ZFAND3: variants seen among roughly 807,000 people sequenced by gnomAD.
ZFAND3 encodes the protein zinc finger AN1-type containing 3.
ZFAND3 carries 10 observed loss-of-function variants against 29.6 expected under a neutral mutation model. That is an observed-to-expected ratio of 0.34 (90% confidence interval 0.21 to 0.57). The LOEUF is 0.57. ZFAND3 is among the 20% of genes least tolerant of loss of function. ZFAND3 has a pLI of 0.86. For synonymous variants in ZFAND3, 128 were observed against 112.6 expected (o/e 1.14, Z -0.87); for missense variants, 230 against 304.5 (o/e 0.76, Z 1.82).
chr6:37,891,039 C>G (rs1381735374), intron 1 of ZFAND3, among the ~76,000 whole-genome samples: 1 of 152,232 alleles, frequency 6.6e-6, no homozygotes, highest in Non-Finnish European at 1.5e-5. Context: ...CATCACCACA[C>G]ACACACAACA....
intron 3 of ZFAND3, among the ~76,000 whole-genome samples, chr6:38,072,935 C>T (rs1343739583): frequency 6.6e-6 from 1 of 152,208 alleles, no homozygotes; most frequent in African/African-American, 2.4e-5. Flanking sequence ...AATCCCTTCA[C>T]TACACAATTA....
chr6:37,943,766 C>G (rs1761852360), intron 2 of ZFAND3, among the ~76,000 whole-genome samples: 1 of 152,040 alleles, frequency 6.6e-6, no homozygotes, highest in African/African-American at 2.4e-5. Context: ...ATTTTAGAGC[C>G]CTTTTCTTAC....
At chr6:37,957,424 A>G (rs1361828143) in intron 2 of ZFAND3, among the ~76,000 whole-genome samples, 2 of 151,950 alleles carry the variant, frequency 1.3e-5, no homozygotes, top group African/African-American at 4.8e-5. Context: ...GGGGATGGTG[A>G]TAACCTGCTT....
chr6:37,881,165 G>A (rs1031995255), intron 1 of ZFAND3, among the ~76,000 whole-genome samples: 6 of 152,012 alleles, frequency 3.9e-5, no homozygotes, highest in Non-Finnish European at 7.4e-5. Flanking sequence ...TCCACCTCCC[G>A]GGTTCAAGAG....
chr6:37,954,106 C>A (rs1762045612), intron 2 of ZFAND3, among the ~76,000 whole-genome samples: 1 of 152,014 alleles, frequency 6.6e-6, no homozygotes, highest in African/African-American at 2.4e-5. Flanking sequence ...TTTTGTTCCT[C>A]CATATTTAAC....
intron 1 of ZFAND3, among the ~76,000 whole-genome samples, chr6:37,885,850 CT>C (rs1764979809): frequency 1.3e-5 from 2 of 152,098 alleles, no homozygotes; most frequent in Admixed American, 6.5e-5. Context: ...TCAAGTGATC[CT>C]CCTGCCTCAG....
At chr6:38,042,268 G>A (rs1451783800) in intron 2 of ZFAND3, among the ~76,000 whole-genome samples, 1 of 150,912 alleles carries the variant, frequency 6.6e-6, no homozygotes, top group Non-Finnish European at 1.5e-5. Context: ...TTTTGAGGAG[G>A]AAAATAAAAG....
At chr6:38,060,257 C>T (rs893164262) in intron 2 of ZFAND3, among the ~76,000 whole-genome samples, 3 of 151,990 alleles carry the variant, frequency 2.0e-5, no homozygotes, top group African/African-American at 7.3e-5. Context: ...TTTGGAGAAG[C>T]CTCTTTTACT....
At chr6:37,932,841 G>A (rs1561938655) in intron 2 of ZFAND3, among the ~76,000 whole-genome samples, 1 of 152,042 alleles carries the variant, frequency 6.6e-6, no homozygotes, top group Non-Finnish European at 1.5e-5. Flanking sequence ...AAAATATTAG[G>A]ACATTTTCAA....
At chr6:37,949,355 T>C (rs1396054594) in intron 2 of ZFAND3, among the ~76,000 whole-genome samples, 2 of 152,148 alleles carry the variant, frequency 1.3e-5, no homozygotes, top group Non-Finnish European at 2.9e-5. Flanking sequence ...TCTGTGTTTT[T>C]CCTCTACTCT....
chr6:37,911,541 C>T (rs1451185082), intron 1 of ZFAND3, among the ~76,000 whole-genome samples: 1 of 152,060 alleles, frequency 6.6e-6, no homozygotes, highest in Non-Finnish European at 1.5e-5. Flanking sequence ...TATAATCTTT[C>T]CAGATTTATG....
intron 5 of ZFAND3, among the ~76,000 whole-genome samples, chr6:38,137,647 G>A (rs1393714540): frequency 6.6e-6 from 1 of 152,148 alleles, no homozygotes; most frequent in Non-Finnish European, 1.5e-5. Flanking sequence ...CAGGAGATAT[G>A]ATGTAATAAA....
At chr6:37,851,865 G>A (rs930981299) in intron 1 of ZFAND3, among the ~76,000 whole-genome samples, 4 of 152,162 alleles carry the variant, frequency 2.6e-5, no homozygotes, top group African/African-American at 4.8e-5. Context: ...GCCTGTTTGA[G>A]CTCCCTCAGT....
chr6:38,109,246 G>A lies in ZFAND3; in HGVS notation c.362-7326G>A, dbSNP rs770186034. Among the ~76,000 whole-genome samples the A allele has an allele frequency of 1.6e-4, 24 of 149,098 alleles. No individual in the cohort carries two copies. The East Asian group carries it at 2.8e-3, about 17-fold the overall frequency. Reference sequence around the variant, plus strand: ...CGCCGAGGCTGGAGTGCAATGGCGCGATCTTGGCTCACTGCAACCTCCACC... The same window carrying A: ...CGCCGAGGCTGGAGTGCAATGGCGCAATCTTGGCTCACTGCAACCTCCACC... On this transcript the variant is annotated intron_variant, in intron 4 of 5. Transcript: ENST00000287218.
chr6:38,085,560 T>C (rs1185511424), intron 4 of ZFAND3, among the ~76,000 whole-genome samples: 1 of 152,220 alleles, frequency 6.6e-6, no homozygotes, highest in African/African-American at 2.4e-5. Flanking sequence ...CAAATTCACT[T>C]TATTATATGT....
In ZFAND3 at chr6:37,819,859, C is replaced by G. The variant is rs1401007849; in HGVS notation, c.-87C>G. On this transcript the variant is annotated 5_prime_UTR_variant, in exon 1 of 6. Coordinates refer to ENST00000287218, the MANE Select transcript of ZFAND3 (RefSeq NM_021943.3). ...CCTCCCCCCGCCCCGAGCCCCCCGA[C>G]GCCGCCGCCACCGCCTCCTCAGAGC... The G allele has an allele frequency of 8.1e-6, 8 of 993,772 alleles. No individual in the cohort carries two copies. The highest frequency in any genetic ancestry group is 1.7e-5 in the African/African-American group (1 of 58,030). The allele number at this position is 993,772 out of a possible 1,614,324, so 61.6% of individuals were successfully genotyped here. A position where few individuals can be genotyped will look rare whatever the true frequency, so the allele number is the denominator to read the frequency against.
intron 2 of ZFAND3, among the ~76,000 whole-genome samples, chr6:38,046,051 G>A (rs558239302): frequency 5.9e-5 from 9 of 152,234 alleles, no homozygotes; most frequent in South Asian, 4.1e-4. Context: ...AGCCAAGGGC[G>A]TTATATTTGA....
intron 1 of ZFAND3, among the ~76,000 whole-genome samples, chr6:37,911,078 C>G (rs912723846): frequency 3.9e-5 from 6 of 152,316 alleles, no homozygotes; most frequent in African/African-American, 9.6e-5. Flanking sequence ...ATTGCTGGCT[C>G]AATTCCACTG....
chr6:38,008,511 C>T (rs1763088433), intron 2 of ZFAND3, among the ~76,000 whole-genome samples: 1 of 152,144 alleles, frequency 6.6e-6, no homozygotes, highest in Non-Finnish European at 1.5e-5. Flanking sequence ...AAGTAATCTA[C>T]TCCACCCCTT....
Sources: gnomAD v4.1 joint callset for allele counts (sites outside exome capture counted in the v4.1 genomes callset) on GRCh38, gnomAD v4.1.1 for gene constraint, MANE v1.5 for transcripts, NCBI Gene and HGNC (gene_info 2026-07-23, HGNC 2026-07-21) for gene names.